Variants in CNTNAP2 observed in about 807,000 individuals in gnomAD.
The protein encoded by CNTNAP2 is contactin associated protein 2.
A neutral mutation model predicts 155.2 loss-of-function variants in CNTNAP2; 98 were observed. The observed-to-expected ratio is 0.63, with a 90% CI of 0.54 to 0.75. The LOEUF is 0.75. CNTNAP2 is among the 30% of genes least tolerant of loss of function. CNTNAP2 has a pLI of 0.00. For missense variants in CNTNAP2, 1,727 were observed against 1,688.1 expected (o/e 1.02, Z -0.40); for synonymous variants, 651 against 631.2 (o/e 1.03, Z -0.47).
intron 13 of CNTNAP2, among the ~76,000 whole-genome samples, chr7:147,791,182 C>T (rs572549448): frequency 1.3e-5 from 2 of 152,118 alleles, no homozygotes; most frequent in Admixed American, 1.3e-4. Flanking sequence ...GTCCTAGATG[C>T]CTCTGATGAC....
At chr7:146,311,407 G>A (rs1323785441) in intron 1 of CNTNAP2, among the ~76,000 whole-genome samples, 2 of 152,006 alleles carry the variant, frequency 1.3e-5, no homozygotes, top group Non-Finnish European at 1.5e-5. Flanking sequence ...TTTTGGTTGA[G>A]AGGAATGACT....
rs144461945 is a variant in CNTNAP2 at position 147,168,384 on chromosome 7, A to T, written c.1348+35875A>T. ...ATGTCAGAGATTTTCAAATGGAAGC[A>T]GTTGCTATAGTAAATATGGATTTTC... On this transcript the variant is annotated intron_variant, in intron 8 of 23. Coordinates refer to ENST00000361727, the MANE Select transcript of CNTNAP2 (RefSeq NM_014141.6). Among the ~76,000 whole-genome samples, 415 of 152,132 alleles carry T rather than the reference A, an allele frequency of 2.7e-3. 4 individuals are homozygous for T. The highest frequency in any genetic ancestry group is 9.4e-3 in the African/African-American group (391 of 41,558).
chr7:146,414,783 A>G (rs1475324252), intron 1 of CNTNAP2, among the ~76,000 whole-genome samples: 1 of 152,192 alleles, frequency 6.6e-6, no homozygotes. Context: ...AACAAAAACT[A>G]GAAAACACTT....
chr7:148,165,752 C>T (rs1805643641), intron 17 of CNTNAP2, among the ~76,000 whole-genome samples: 1 of 152,018 alleles, frequency 6.6e-6, no homozygotes, highest in African/African-American at 2.4e-5. Flanking sequence ...TCCCTGCTTG[C>T]TGCCTCCCAT....
chr7:147,028,844 A>C (rs1798971406), intron 3 of CNTNAP2, among the ~76,000 whole-genome samples: 1 of 152,174 alleles, frequency 6.6e-6, no homozygotes, highest in South Asian at 2.1e-4. Flanking sequence ...CACTTGTGAG[A>C]AAGTAGCGAG....
intron 21 of CNTNAP2, among the ~76,000 whole-genome samples, chr7:148,345,004 T>C (rs1227489911): frequency 6.6e-6 from 1 of 152,170 alleles, no homozygotes; most frequent in Non-Finnish European, 1.5e-5. Context: ...GGTGGAGCCA[T>C]GGCTGGAAAT....
chr7:146,205,512 C>G (rs991415642), intron 1 of CNTNAP2, among the ~76,000 whole-genome samples: 6 of 151,460 alleles, frequency 4.0e-5, no homozygotes, highest in African/African-American at 1.5e-4. Context: ...TTTTCAGAAC[C>G]TTTAATGTAG....
At chr7:148,287,794 TC>T (rs66504605) in intron 21 of CNTNAP2, among the ~76,000 whole-genome samples, 70,157 of 108,360 alleles carry the variant, frequency 0.65, 19,723 homozygotes, top group East Asian at 0.76. Flanking sequence ...TTTCTTTTTT[TC>T]TTTTTTTTTT....
At chr7:148,069,440 A>G (rs1803335925) in intron 15 of CNTNAP2, among the ~76,000 whole-genome samples, 1 of 152,108 alleles carries the variant, frequency 6.6e-6, no homozygotes. Context: ...CTTCTGGAGA[A>G]ATGACAAGAG....
At chr7:146,926,772 A>G (rs1258144381) in intron 3 of CNTNAP2, among the ~76,000 whole-genome samples, 1 of 152,168 alleles carries the variant, frequency 6.6e-6, no homozygotes, top group Non-Finnish European at 1.5e-5. Flanking sequence ...GAGCTCTTCT[A>G]GAACAAAACC....
intron 2 of CNTNAP2, among the ~76,000 whole-genome samples, chr7:146,794,541 G>A (rs1258149551): frequency 6.6e-6 from 1 of 152,160 alleles, no homozygotes; most frequent in Non-Finnish European, 1.5e-5. Flanking sequence ...AAGCCCCAAA[G>A]TGGGGATTAA....
chr7:146,400,508 C>G (rs1218684719), intron 1 of CNTNAP2, among the ~76,000 whole-genome samples: 1 of 152,170 alleles, frequency 6.6e-6, no homozygotes, highest in African/African-American at 2.4e-5. Flanking sequence ...TGTCACATAA[C>G]TAGACAGTGA....
chr7:146,975,495 T>C (rs534489486), intron 3 of CNTNAP2, among the ~76,000 whole-genome samples: 1 of 152,128 alleles, frequency 6.6e-6, no homozygotes, highest in Non-Finnish European at 1.5e-5. Context: ...AAAAAAATAG[T>C]GGCTCATGTT....
At chr7:146,307,050 T>G (rs1800726040) in intron 1 of CNTNAP2, among the ~76,000 whole-genome samples, 1 of 152,188 alleles carries the variant, frequency 6.6e-6, no homozygotes, top group African/African-American at 2.4e-5. Context: ...TGTCCCTGTT[T>G]GCAGATGACA....
At position 146,116,890 on chromosome 7, in the gene CNTNAP2, C is replaced by T. The variant is rs779710846; in HGVS notation, c.14C>T (p.Pro5Leu). The T allele has an allele frequency of 2.1e-5, 33 of 1,545,868 alleles. No individual in the cohort carries two copies. In the South Asian group the frequency reaches 3.7e-4, roughly 17 times the overall value. Residue 5 changes from proline to leucine, a missense_variant, in exon 1 of 24, where the codon CCG becomes CTG. Coordinates refer to ENST00000361727, the MANE Select transcript of CNTNAP2 (RefSeq NM_014141.6). This position sits in a 1 kb window ranked among gnomAD's most constrained non-coding sequence, Gnocchi z 5.5. The part of the protein sequence containing the change: MQAA[P>L]RAGCGAALLL... ...GGGAGGCGAAGGATGCAGGCGGCTC[C>T]GCGCGCCGGCTGCGGGGCAGCGCTC...
chr7:147,076,934 T>C (rs959444695), intron 4 of CNTNAP2, among the ~76,000 whole-genome samples: 1 of 152,160 alleles, frequency 6.6e-6, no homozygotes, highest in Non-Finnish European at 1.5e-5. Context: ...TACAAATGTA[T>C]AGCAATAACC....
chr7:146,499,483 G>T (rs1797268503), intron 1 of CNTNAP2, among the ~76,000 whole-genome samples: 1 of 152,076 alleles, frequency 6.6e-6, no homozygotes, highest in South Asian at 2.1e-4. Context: ...GTTTTAAATT[G>T]GAAACTGTGA....
At chr7:147,887,726 A>G (rs977176596) in intron 13 of CNTNAP2, among the ~76,000 whole-genome samples, 2 of 152,204 alleles carry the variant, frequency 1.3e-5, no homozygotes, top group African/African-American at 2.4e-5. Flanking sequence ...CCTGTATGGA[A>G]AACAAAATCC....
rs190556711 is a variant in CNTNAP2 at position 147,058,944 on chromosome 7, A to C, written c.550+14890A>C. On this transcript the variant is annotated intron_variant, in intron 4 of 23. Transcript: ENST00000361727. ...TTCCTACTAAGGAAGTAAACGATGC[A>C]GGCCTGATTGTGTGTTTTTTTGCAC... Among the ~76,000 whole-genome samples, 396 of 152,296 alleles carry C rather than the reference A, an allele frequency of 2.6e-3. 6 individuals are homozygous for C. Among genetic ancestry groups the C allele is most frequent in the Admixed American group, 0.022 (344 of 15,292 alleles).
Sources: allele counts gnomAD v4.1 joint callset (sites outside exome capture counted in the v4.1 genomes callset), GRCh38; gene constraint gnomAD v4.1.1; non-coding constraint Gnocchi (gnomAD v3.1); transcripts MANE v1.5; gene names NCBI Gene and HGNC (gene_info 2026-07-23, HGNC 2026-07-21).